The following TVP23A variants were observed in gnomAD, a reference collection of about 807,000 sequenced individuals.
The protein encoded by TVP23A is trans-golgi network vesicle protein 23 homolog A.
TVP23A carries 21 observed loss-of-function variants against 31.7 expected under a neutral mutation model. That is an observed-to-expected ratio of 0.66 (90% CI 0.47 to 0.95). The LOEUF (loss-of-function observed/expected upper bound fraction) is 0.95. Ranked by LOEUF, TVP23A falls within the 40% of genes least tolerant of loss-of-function variation. TVP23A has a pLI of 0.00. For missense variants in TVP23A, 279 were observed against 255.6 expected (o/e 1.09, Z -0.62); for synonymous variants, 104 against 96.0 (o/e 1.08, Z -0.49).
rs899162896 is a variant in TVP23A at position 10,768,933 on chromosome 16, G to A, written c.*169C>T. The A allele has an allele frequency of 3.2e-5, 28 of 879,246 alleles. No homozygotes were observed. Among genetic ancestry groups the A allele is most frequent in the Non-Finnish European group, 5.0e-5 (27 of 540,456 alleles). 54.5% of individuals were successfully genotyped at this position (879,246 alleles called of 1,614,324 possible). On this transcript the variant is annotated 3_prime_UTR_variant, in exon 8 of 8. Transcript: ENST00000299866. The surrounding 1 kb of genome is among the most constrained non-coding windows in gnomAD (Gnocchi z 4.3). Reference sequence around the variant, plus strand: ...CATCACAGACACAGGTCTTTTTATGGAACTAGCCAGAGGATTCCACCCCTG... The same window carrying A: ...CATCACAGACACAGGTCTTTTTATGAAACTAGCCAGAGGATTCCACCCCTG...
intron 3 of TVP23A, among the ~76,000 whole-genome samples, chr16:10,774,606 C>CTCTCTTT (rs560467871): frequency 1.5e-5 from 2 of 130,244 alleles, no homozygotes; most frequent in African/African-American, 5.7e-5. Flanking sequence ...CATTCTCTCT[C>CTCTCTTT]TTTTTTTTTT....
At position 10,777,014 on chromosome 16, in the gene TVP23A, A is replaced by G. The variant is rs1308165834; in HGVS notation, c.90-1918T>C. ...TGACCTGTATCCTGTGCGACCTCCT[A>G]TCTCATCCTGTGACTTAGAATGCCT... On this transcript the variant is annotated intron_variant, in intron 2 of 7. Transcript: ENST00000299866. This position sits in a 1 kb window ranked among gnomAD's most constrained non-coding sequence, Gnocchi z 4.5. 1.3e-5 allele frequency among the ~76,000 whole-genome samples: 2 copies of G among 151,990 alleles called. No homozygotes were observed. The highest frequency in any genetic ancestry group is 2.9e-5 in the Non-Finnish European group (2 of 68,002).
Position 10,768,300 on chromosome 16 carries a change from G to C in TVP23A, c.*802C>G. The C allele has an allele frequency of 4.9e-6, 1 of 204,398 alleles. No individual in the cohort carries two copies. The highest frequency in any genetic ancestry group is 9.3e-6 in the Non-Finnish European group (1 of 107,314). The allele number at this position is 204,398 out of a possible 1,614,324, so 12.7% of individuals were successfully genotyped here. ...GGGATAAAGTAATTCATTTTTAAAA[G>C]TAACTGATAAAAAAAAAAAAGGCCA... is the stretch of plus-strand genomic sequence containing the variant. On this transcript the variant is annotated 3_prime_UTR_variant, in exon 8 of 8. Coordinates refer to ENST00000299866, the MANE Select transcript of TVP23A (RefSeq NM_001079512.4). This position sits in a 1 kb window ranked among gnomAD's most constrained non-coding sequence, Gnocchi z 4.3.
At position 10,779,254 on chromosome 16, in the gene TVP23A, C is replaced by G. The variant is rs2032274497; in HGVS notation, c.90-4158G>C. On this transcript the variant is annotated intron_variant, in intron 2 of 7. Coordinates refer to ENST00000299866, the MANE Select transcript of TVP23A (RefSeq NM_001079512.4). This position sits in a 1 kb window ranked among gnomAD's most constrained non-coding sequence, Gnocchi z 4.9. ...TTGCCCTTTTAAATGTTGCTTTAAT[C>G]CTATTTTATGCAGGTTGCTCCATCA... is the stretch of plus-strand genomic sequence containing the variant. Among the ~76,000 whole-genome samples the G allele has an allele frequency of 6.6e-6, 1 of 152,152 alleles. No individual in the cohort carries two copies. The highest frequency in any genetic ancestry group is 1.5e-5 in the Non-Finnish European group (1 of 68,028).
At chr16:10,766,619 C>T (rs373793047), downstream of TVP23A, 26 of 201,056 alleles carry the variant, frequency 1.3e-4, no homozygotes, top group African/African-American at 4.8e-4. The surrounding 1 kb of genome is among the most constrained non-coding windows in gnomAD (Gnocchi z 4.8). Flanking sequence ...GCGTTAACGG[C>T]GGAGGATGTC....
In TVP23A at chr16:10,818,658, G is replaced by A. The variant is rs1264328241; in HGVS notation, c.-165C>T. 2.4e-6 allele frequency: 2 copies of A among 836,116 alleles called. No homozygotes were observed. The highest frequency in any genetic ancestry group is 3.4e-6 in the Non-Finnish European group (2 of 584,084). 51.8% of individuals were successfully genotyped at this position (836,116 alleles called of 1,614,324 possible). On this transcript the variant is annotated 5_prime_UTR_variant, in exon 1 of 8. Transcript: ENST00000299866. The surrounding 1 kb of genome is among the most constrained non-coding windows in gnomAD (Gnocchi z 4.7). The stretch of plus-strand genomic sequence containing the variant: ...CAGCCTCAGCGCAGCTTCTCGGGTG[G>A]GGCGGGGCGCTCGGGGCCTAAGGCG...
chr16:10,771,019 C>T (rs1164577179), intron 6 of TVP23A, among the ~76,000 whole-genome samples: 2 of 151,836 alleles, frequency 1.3e-5, no homozygotes, highest in African/African-American at 4.8e-5. Context: ...CTAGGGCTGT[C>T]AAACCAATAG....
chr16:10,765,297 C>A (rs1596475881), downstream of TVP23A, among the ~76,000 whole-genome samples: 1 of 144,972 alleles, frequency 6.9e-6, no homozygotes, highest in East Asian at 2.0e-4. This position sits in a 1 kb window ranked among gnomAD's most constrained non-coding sequence, Gnocchi z 4.0. Flanking sequence ...ATGCTCTAGC[C>A]TGGGTAACAC....
chr16:10,805,412 G>A (rs1266398986), intron 2 of TVP23A, among the ~76,000 whole-genome samples: 6 of 151,906 alleles, frequency 3.9e-5, no homozygotes, highest in Non-Finnish European at 7.4e-5. Flanking sequence ...CATACCGGAG[G>A]CTTGGAGTCA....
chr16:10,775,672 T>A, intron 2 of TVP23A: 1 of 397,684 alleles, frequency 2.5e-6, no homozygotes, highest in Non-Finnish European at 3.4e-6. Flanking sequence ...CACTGTGCCT[T>A]TAGACACAAA....
chr16:10,796,488 A>C (rs565640889), intron 2 of TVP23A, among the ~76,000 whole-genome samples: 119 of 152,290 alleles, frequency 7.8e-4, no homozygotes, highest in African/African-American at 2.8e-3. Context: ...GCTGGAGTGC[A>C]GTGGCACGGT....
intron 2 of TVP23A, among the ~76,000 whole-genome samples, chr16:10,814,202 T>G (rs1268475509): frequency 6.6e-6 from 1 of 152,070 alleles, no homozygotes; most frequent in Non-Finnish European, 1.5e-5. Flanking sequence ...GGAATCTGCA[T>G]TAGGCACACC....
chr16:10,812,202 G>A (rs746686206), intron 2 of TVP23A, among the ~76,000 whole-genome samples: 16 of 152,214 alleles, frequency 1.1e-4, no homozygotes, highest in Admixed American at 2.0e-4. Context: ...ACACCACAAC[G>A]AAATACCATG....
intron 2 of TVP23A, among the ~76,000 whole-genome samples, chr16:10,803,306 C>A (rs1187529257): frequency 7.4e-6 from 1 of 134,794 alleles, no homozygotes; most frequent in Non-Finnish European, 1.5e-5. Flanking sequence ...GGCGACAGAG[C>A]AAGACTCCGT....
Position 10,777,467 on chromosome 16 carries a change from A to G in TVP23A, c.90-2371T>C, listed in dbSNP as rs1006964381. ...AGAGATCCACACAGAACTGCAGGGG[A>G]AAGCGCCTGCTCATTCTCCCCAAGA... On this transcript the variant is annotated intron_variant, in intron 2 of 7. Coordinates refer to ENST00000299866, the MANE Select transcript of TVP23A (RefSeq NM_001079512.4). This position sits in a 1 kb window ranked among gnomAD's most constrained non-coding sequence, Gnocchi z 4.5. Among the ~76,000 whole-genome samples, 24 of 152,066 alleles carry G rather than the reference A, an allele frequency of 1.6e-4. No homozygotes were observed. Among genetic ancestry groups the G allele is most frequent in the Non-Finnish European group, 3.2e-4 (22 of 68,004 alleles).
At chr16:10,773,940 G>A in intron 4 of TVP23A, 99 bp downstream of exon 4, 1 of 935,820 alleles carries the variant, frequency 1.1e-6, no homozygotes. Context: ...TTTTGTGTAA[G>A]GCAGGAATCA....
chr16:10,774,159 G>A, intron 3 of TVP23A, 31 bp from the exon 4 acceptor site: 2 of 1,546,782 alleles, frequency 1.3e-6, no homozygotes, highest in Non-Finnish European at 1.8e-6. Context: ...ACTCTGAGCA[G>A]GTCACAGGCA....
chr16:10,773,578 G>A, intron 4 of TVP23A, 137 bp from the exon 5 acceptor site: 2 of 1,181,390 alleles, frequency 1.7e-6, no homozygotes, highest in Admixed American at 3.0e-5. Flanking sequence ...GTTTTGTTTT[G>A]TTTTGTTTTT....
rs1275703056 is a variant in TVP23A, at chr16:10,818,545, C to T, written c.-52G>A. ...CCAGGCCCGGGGCTCCAGCTCCGCC[C>T]GTCGCCGCTGAAGGGGTCGGACGCC... On this transcript the variant is annotated 5_prime_UTR_variant, in exon 1 of 8. Transcript: ENST00000299866. The surrounding 1 kb of genome is among the most constrained non-coding windows in gnomAD (Gnocchi z 4.7). The T allele has an allele frequency of 2.5e-6, 4 of 1,587,036 alleles. No homozygotes were observed. The highest frequency in any genetic ancestry group is 2.6e-6 in the Non-Finnish European group (3 of 1,173,234).
Sources: allele counts gnomAD v4.1 joint callset (sites outside exome capture counted in the v4.1 genomes callset), GRCh38; gene constraint gnomAD v4.1.1; non-coding constraint Gnocchi (gnomAD v3.1); transcripts MANE v1.5; gene names NCBI Gene and HGNC (gene_info 2026-07-23, HGNC 2026-07-21).